Variants in TMEM45B observed in about 807,000 individuals in gnomAD.
TMEM45B encodes the protein transmembrane protein 45B.
A neutral mutation model predicts 27.3 loss-of-function variants in TMEM45B; 29 were observed. The ratio of observed to expected loss-of-function variants is 1.06; its 90% CI spans 0.79 to 1.45. The LOEUF is 1.45. TMEM45B is among the 40% of genes most tolerant of loss of function. TMEM45B has a pLI of 0.00. For missense variants in TMEM45B, 348 were observed against 343.9 expected, an observed-to-expected ratio of 1.01 and a Z score of -0.09; for synonymous variants, 143 against 134.7, an observed-to-expected ratio of 1.06 and a Z score of -0.43.
chr11:129,844,788 G>T (rs1947736584), intron 1 of TMEM45B, among the ~76,000 whole-genome samples: 1 of 152,172 alleles, frequency 6.6e-6, no homozygotes, highest in South Asian at 2.1e-4. Context: ...TACCAGGTAA[G>T]GTGATAACTC....
intron 1 of TMEM45B, among the ~76,000 whole-genome samples, chr11:129,834,813 CA>C (rs56304121): frequency 0.026 from 3,438 of 132,086 alleles, 82 homozygotes; most frequent in African/African-American, 0.084. Context: ...TCCATCTCCA[CA>C]AAAAAAAAAA....
chr11:129,837,281 CT>C (rs1022812695), intron 1 of TMEM45B, among the ~76,000 whole-genome samples: 1 of 151,372 alleles, frequency 6.6e-6, no homozygotes, highest in Non-Finnish European at 1.5e-5. Flanking sequence ...TGAGGGGTTT[CT>C]TTTTTTTCTT....
rs1947976994 is a variant in TMEM45B at position 129,859,337 on chromosome 11, G to C, written c.*652G>C. The C allele has an allele frequency of 1.3e-5, 2 of 152,102 alleles. No homozygotes were observed. Among genetic ancestry groups the C allele is most frequent in the East Asian group, 1.9e-4 (1 of 5,192 alleles). 9.4% of individuals were successfully genotyped at this position (152,102 alleles called of 1,614,324 possible). ...CAGGAAGCTGGTTACTGGCTCTACT[G>C]AGAGTTGGAGCCCTGATGTTCTGAT... is the stretch of plus-strand genomic sequence containing the variant. On this transcript the variant is annotated 3_prime_UTR_variant, in exon 6 of 6. Coordinates refer to ENST00000281441, the MANE Select transcript of TMEM45B (RefSeq NM_138788.5).
chr11:129,851,543 C>CAAAAAAAAAAAAAAAAA (rs71057982), intron 1 of TMEM45B, among the ~76,000 whole-genome samples: 21 of 54,926 alleles, frequency 3.8e-4, no homozygotes, highest in East Asian at 7.4e-4. Flanking sequence ...AACTCTGCCT[C>CAAAAAAAAAAAAAAAAA]AAAAAAAAAA....
At chr11:129,823,116 G>A (rs1281453260) in intron 1 of TMEM45B, among the ~76,000 whole-genome samples, 5 of 152,106 alleles carry the variant, frequency 3.3e-5, no homozygotes, top group Non-Finnish European at 7.4e-5. Context: ...TGGGATTACA[G>A]GCATGAGCCA....
intron 1 of TMEM45B, among the ~76,000 whole-genome samples, chr11:129,847,191 T>G (rs900630556): frequency 6.6e-6 from 1 of 152,152 alleles, no homozygotes; most frequent in African/African-American, 2.4e-5. Flanking sequence ...ATTAGGTTGG[T>G]GCAAAAGTAA....
chr11:129,858,758 G>A lies in TMEM45B; in HGVS notation c.*73G>A, dbSNP rs1315364555. ...TGGAGTTCATCCCCTCCACCTGAAT[G>A]CCTGCTGTGGTCTGATCTTAAGGGT... is the stretch of plus-strand genomic sequence containing the variant. On this transcript the variant is annotated 3_prime_UTR_variant, in exon 6 of 6. Coordinates refer to ENST00000281441, the MANE Select transcript of TMEM45B (RefSeq NM_138788.5). The A allele has an allele frequency of 1.8e-5, 20 of 1,112,708 alleles. No individual in the cohort carries two copies. The highest frequency in any genetic ancestry group is 2.4e-5 in the Non-Finnish European group (18 of 762,348). The allele number at this position is 1,112,708 out of a possible 1,614,324, so 68.9% of individuals were successfully genotyped here.
At chr11:129,826,711 CT>C (rs199652269) in intron 1 of TMEM45B, among the ~76,000 whole-genome samples, 94 of 135,420 alleles carry the variant, frequency 6.9e-4, no homozygotes, top group Non-Finnish European at 8.0e-4. Context: ...ATTTGTTTTT[CT>C]TTTTTTTTTT....
chr11:129,836,610 G>A (rs566734697), intron 1 of TMEM45B, among the ~76,000 whole-genome samples: 4 of 152,138 alleles, frequency 2.6e-5, no homozygotes, highest in Admixed American at 6.6e-5. Flanking sequence ...ATTAGGGTGG[G>A]GCCCAAATGC....
At chr11:129,848,112 G>C (rs1412660389) in intron 1 of TMEM45B, among the ~76,000 whole-genome samples, 3 of 151,816 alleles carry the variant, frequency 2.0e-5, no homozygotes, top group Non-Finnish European at 4.4e-5. Context: ...TCCCAGACGG[G>C]GTGGCGGCCG....
intron 1 of TMEM45B, among the ~76,000 whole-genome samples, chr11:129,817,190 A>T (rs1947363317): frequency 6.6e-6 from 1 of 152,088 alleles, no homozygotes; most frequent in African/African-American, 2.4e-5. Context: ...TTTTACACTC[A>T]TTTTAATAGA....
chr11:129,816,423 C>T (rs545386927), intron 1 of TMEM45B, among the ~76,000 whole-genome samples: 2 of 152,242 alleles, frequency 1.3e-5, no homozygotes, highest in South Asian at 4.1e-4. Flanking sequence ...ATACACGAGC[C>T]AGATCCTTTC....
At chr11:129,858,298 C>G (rs904179864) in intron 5 of TMEM45B, among the ~76,000 whole-genome samples, 1 of 152,136 alleles carries the variant, frequency 6.6e-6, no homozygotes, top group East Asian at 1.9e-4. Flanking sequence ...GAAGGGAGCT[C>G]AAGTCAGTTT....
chr11:129,856,482 A>G (rs1591454520), intron 4 of TMEM45B, among the ~76,000 whole-genome samples: 1 of 148,508 alleles, frequency 6.7e-6, no homozygotes, highest in Non-Finnish European at 1.5e-5. Flanking sequence ...AAGAGCTGGG[A>G]TTATAGGCGT....
At chr11:129,852,397 G>T (rs879053852) in intron 1 of TMEM45B, 78 bp from the exon 2 acceptor site, 2 of 1,297,800 alleles carry the variant, frequency 1.5e-6, no homozygotes, top group South Asian at 1.4e-5. Flanking sequence ...TCTCAGGCAC[G>T]TATTGTGTTT....
chr11:129,839,532 A>T (rs1947664685), intron 1 of TMEM45B, among the ~76,000 whole-genome samples: 1 of 152,120 alleles, frequency 6.6e-6, no homozygotes, highest in African/African-American at 2.4e-5. Flanking sequence ...GAAAGCACTT[A>T]TTTTTTTCCT....
At chr11:129,819,643 G>A (rs1248978936) in intron 1 of TMEM45B, among the ~76,000 whole-genome samples, 1 of 151,068 alleles carries the variant, frequency 6.6e-6, no homozygotes, top group Non-Finnish European at 1.5e-5. Flanking sequence ...TGCAACCTCC[G>A]CTTCCTGGGT....
rs71057982 is a variant in TMEM45B at position 129,851,543 on chromosome 11, C to CAAAAAAAAAAAAA, written c.-8-929_-8-917dup. Among the ~76,000 whole-genome samples the CAAAAAAAAAAAAA allele has an allele frequency of 6.9e-3, 380 of 54,804 alleles. 13 individuals carry two copies. The highest frequency in any genetic ancestry group is 0.017 in the African/African-American group (245 of 14,232). 36.0% of individuals were successfully genotyped at this position (54,804 alleles called of 152,430 possible). ...TGGGTGACAGAGTGAAACTCTGCCT[C>CAAAAAAAAAAAAA]AAAAAAAAAAAAAAAGTCCCCTTCT... On this transcript the variant is annotated intron_variant, in intron 1 of 5. Transcript: ENST00000281441.
rs1167001218 is a variant in TMEM45B at position 129,815,866 on chromosome 11, G to C, written c.-41G>C. ...GGCGGACGCACTTGGCGCGCGGCGC[G>C]GGCTGCAGACGGCTGCGAGGCGCTG... On this transcript the variant is annotated 5_prime_UTR_variant, in exon 1 of 6. Transcript: ENST00000281441. 6.9e-6 allele frequency: 9 copies of C among 1,308,490 alleles called. No homozygotes were observed. Among genetic ancestry groups the C allele is most frequent in the African/African-American group, 1.5e-5 (1 of 64,744 alleles). 81.1% of individuals were successfully genotyped at this position (1,308,490 alleles called of 1,614,324 possible). A position where few individuals can be genotyped will look rare whatever the true frequency, so the allele number is the denominator to read the frequency against.
Sources: gnomAD v4.1 joint callset for allele counts (sites outside exome capture counted in the v4.1 genomes callset) on GRCh38, gnomAD v4.1.1 for gene constraint, MANE v1.5 for transcripts, NCBI Gene and HGNC (gene_info 2026-07-23, HGNC 2026-07-21) for gene names.